The following GYPC variants were observed in gnomAD, a reference collection of about 807,000 sequenced individuals.
The protein encoded by GYPC is glycophorin C (Gerbich blood group), also known as glycophorin-C.
GYPC carries 14 observed loss-of-function variants against 12.6 expected under a neutral mutation model. That is an observed-to-expected ratio of 1.11 (90% confidence interval 0.74 to 1.74). The LOEUF (loss-of-function observed/expected upper bound fraction) is 1.74. Among genes scored for constraint, GYPC ranks in the 40% most tolerant of loss-of-function variants. GYPC has a pLI of 0.00. For synonymous variants in GYPC, 78 were observed against 62.1 expected (o/e 1.26, Z -1.20); for missense variants, 225 against 172.1 (o/e 1.31, Z -1.72).
At chr2:126,691,843 C>G (rs933341877) in intron 2 of GYPC, among the ~76,000 whole-genome samples, 1 of 152,164 alleles carries the variant, frequency 6.6e-6, no homozygotes, top group Non-Finnish European at 1.5e-5. Context: ...CTAATAAATG[C>G]TGTCTTCACC....
intron 1 of GYPC, chr2:126,686,700 GA>G (rs1309654924): frequency 1.2e-5 from 12 of 985,114 alleles, no homozygotes; most frequent in Non-Finnish European, 1.3e-5. Context: ...GGGCTGGGAA[GA>G]AAAAAAGTAG....
chr2:126,660,360 C>T (rs2104767964), intron 1 of GYPC, among the ~76,000 whole-genome samples: 1 of 152,346 alleles, frequency 6.6e-6, no homozygotes, highest in East Asian at 1.9e-4. Context: ...CTCGAGCCCT[C>T]CCTCACGCAC....
chr2:126,664,951 T>C (rs202237285), intron 1 of GYPC, among the ~76,000 whole-genome samples: 1 of 148,666 alleles, frequency 6.7e-6, no homozygotes, highest in South Asian at 2.2e-4. Flanking sequence ...CTTGCTGTCT[T>C]TCTCTCTCTC....
At chr2:126,669,217 C>T (rs186474132) in intron 1 of GYPC, among the ~76,000 whole-genome samples, 97 of 152,274 alleles carry the variant, frequency 6.4e-4, no homozygotes, top group South Asian at 1.2e-3. Context: ...TGCAGGGATA[C>T]GAAGCAGGAA....
chr2:126,679,344 T>C lies in GYPC; in HGVS notation c.50-10911T>C, dbSNP rs186644890. Among the ~76,000 whole-genome samples, 1,173 of 152,256 alleles carry C rather than the reference T, an allele frequency of 7.7e-3. 3 individuals are homozygous for C. The highest frequency in any genetic ancestry group is 0.013 in the Non-Finnish European group (880 of 68,026). On this transcript the variant is annotated intron_variant, in intron 1 of 3. Transcript: ENST00000259254. ...TGGTGCACACCAGGAACTTGATAAA[T>C]GACAGTCATTAATGTCATTGGAAGC...
intron 1 of GYPC, among the ~76,000 whole-genome samples, chr2:126,668,503 G>C (rs899559518): frequency 4.6e-5 from 7 of 152,212 alleles, no homozygotes; most frequent in Non-Finnish European, 8.8e-5. Flanking sequence ...GTTGTGAAAT[G>C]CTCTCATTGT....
chr2:126,681,799 GAAAGAAAGA>G (rs1683157951), intron 1 of GYPC, among the ~76,000 whole-genome samples: 1 of 148,994 alleles, frequency 6.7e-6, no homozygotes, highest in Non-Finnish European at 1.5e-5. Context: ...AAAAAAGAAA[GAAAGAAAGA>G]AAAGAAAAGA....
At chr2:126,663,509 C>T (rs1682596223) in intron 1 of GYPC, among the ~76,000 whole-genome samples, 1 of 152,234 alleles carries the variant, frequency 6.6e-6, no homozygotes, top group Admixed American at 6.5e-5. Context: ...GCCCCCACCT[C>T]ATCGGGGCAC....
Position 126,684,151 on chromosome 2 carries a change from A to G in GYPC, c.50-6104A>G, listed in dbSNP as rs28369993. Among the ~76,000 whole-genome samples the G allele has an allele frequency of 8.2e-3, 1,242 of 152,236 alleles. 7 individuals are homozygous for G. Among genetic ancestry groups the G allele is most frequent in the Non-Finnish European group, 0.015 (998 of 68,018 alleles). ...TGGCAGCCTTGGGGATTGTTGGGGG[A>G]CTGTTGTAAGGTCACCCATACAGAC... is the stretch of plus-strand genomic sequence containing the variant. On this transcript the variant is annotated intron_variant, in intron 1 of 3. Coordinates refer to ENST00000259254, the MANE Select transcript of GYPC (RefSeq NM_002101.5).
At chr2:126,672,291 C>T (rs1682874148) in intron 1 of GYPC, among the ~76,000 whole-genome samples, 3 of 152,176 alleles carry the variant, frequency 2.0e-5, no homozygotes, top group South Asian at 4.1e-4. Flanking sequence ...GAGGAAGGCC[C>T]GGGCAACCTG....
intron 1 of GYPC, among the ~76,000 whole-genome samples, chr2:126,665,297 C>T (rs1034280760): frequency 5.3e-5 from 8 of 152,082 alleles, no homozygotes; most frequent in South Asian, 2.1e-4. Context: ...TTATAGAGTA[C>T]GTTGTTACAA....
chr2:126,659,189 G>T (rs567405558), intron 1 of GYPC, among the ~76,000 whole-genome samples: 79 of 152,334 alleles, frequency 5.2e-4, no homozygotes, highest in Admixed American at 5.2e-3. Flanking sequence ...TTTGGAATGA[G>T]CCTCTGTAAT....
chr2:126,691,900 A>G (rs1683478145), intron 2 of GYPC, among the ~76,000 whole-genome samples: 1 of 152,166 alleles, frequency 6.6e-6, no homozygotes, highest in African/African-American at 2.4e-5. Flanking sequence ...TTCTATAACC[A>G]TCCATGCCTA....
rs1411425186 is a variant in GYPC at position 126,696,157 on chromosome 2, C to T, written c.*15C>T. Reference sequence around the variant, plus strand: ...ACTTTATTTGAGGGACAACAGACTTCACTTCCCTGAATGCCTCCCCCATCT... The same window carrying T: ...ACTTTATTTGAGGGACAACAGACTTTACTTCCCTGAATGCCTCCCCCATCT... On this transcript the variant is annotated 3_prime_UTR_variant, in exon 4 of 4. Coordinates refer to ENST00000259254, the MANE Select transcript of GYPC (RefSeq NM_002101.5). 6.3e-7 allele frequency: 1 copy of T among 1,596,632 alleles called. No homozygotes were observed. Among genetic ancestry groups the T allele is most frequent in the Non-Finnish European group, 8.6e-7 (1 of 1,164,374 alleles).
chr2:126,693,875 G>A lies in GYPC; in HGVS notation c.118G>A (p.Gly40Arg), dbSNP rs772372126. 45 of 1,609,538 alleles carry A rather than the reference G, an allele frequency of 2.8e-5. No homozygotes were observed. In the Admixed American group the frequency reaches 4.8e-4, roughly 17 times the overall value. ...HTTTIAEPDP[G>R]MSGWPDGRME... ...TCCTCTGTTCACAGAGCCTGATCCA[G>A]GGATGTCTGGATGGCCGGATGGCAG... is the stretch of plus-strand genomic sequence containing the variant. The change falls in exon 3 of 4, where the codon GGG (glycine) becomes AGG (arginine). Residue 40 changes from glycine (G) to arginine (R), a missense_variant. Physicochemically the swap from Gly to Arg is moderately radical, Grantham distance 125 (BLOSUM62 -2). Coordinates refer to ENST00000259254, the MANE Select transcript of GYPC (RefSeq NM_002101.5).
intron 1 of GYPC, among the ~76,000 whole-genome samples, chr2:126,688,138 C>G (rs991541042): frequency 2.6e-5 from 4 of 152,160 alleles, no homozygotes; most frequent in Non-Finnish European, 5.9e-5. Context: ...AGAGCAGCAC[C>G]TGGCATTTAG....
At chr2:126,691,355 C>T (rs903865812) in intron 2 of GYPC, among the ~76,000 whole-genome samples, 1 of 152,104 alleles carries the variant, frequency 6.6e-6, no homozygotes, top group Non-Finnish European at 1.5e-5. Flanking sequence ...TACTTCCCCA[C>T]CCCTCTGGAG....
rs80031782 is a variant in GYPC, at chr2:126,685,446, G to T, written c.50-4809G>T. ...GTCGCCCAGGTTGGAGTGCAATGAT[G>T]CAATCTCAGCTCACTACAACCTCCA... On this transcript the variant is annotated intron_variant, in intron 1 of 3. Transcript: ENST00000259254. 9.5e-3 allele frequency among the ~76,000 whole-genome samples: 1,438 copies of T among 151,318 alleles called. 39 individuals carry two copies. In the East Asian group the frequency reaches 0.098, roughly 10 times the overall value.
chr2:126,658,920 G>A (rs1269616675), intron 1 of GYPC, among the ~76,000 whole-genome samples: 1 of 152,174 alleles, frequency 6.6e-6, no homozygotes, highest in Non-Finnish European at 1.5e-5. Context: ...CTGTGACAAT[G>A]AGTAAGGAGG....
Sources: gnomAD v4.1 joint callset for allele counts (sites outside exome capture counted in the v4.1 genomes callset) on GRCh38, gnomAD v4.1.1 for gene constraint, MANE v1.5 for transcripts, NCBI Gene and HGNC (gene_info 2026-07-23, HGNC 2026-07-21) for gene names.